The following HSD17B12 variants were observed in gnomAD, a reference collection of about 807,000 sequenced individuals.
HSD17B12 encodes hydroxysteroid 17-beta dehydrogenase 12, also known as very-long-chain 3-oxoacyl-CoA reductase.
In HSD17B12, 32 loss-of-function variants were observed where a neutral mutation model predicts 39.3. The ratio of observed to expected loss-of-function variants is 0.81; its 90% CI spans 0.61 to 1.09. The LOEUF (loss-of-function observed/expected upper bound fraction) is 1.09, where lower values mean the gene tolerates loss of function less well. Ranked by LOEUF, HSD17B12 falls within the 50% of genes least tolerant of loss-of-function variation. HSD17B12 has a pLI of 0.00. For missense variants in HSD17B12, 342 were observed against 382.9 expected, an observed-to-expected ratio of 0.89 and a Z score of 0.89; for synonymous variants, 150 against 146.7, an observed-to-expected ratio of 1.02 and a Z score of -0.16.
chr11:43,698,203 C>T (rs1411729130), intron 1 of HSD17B12, among the ~76,000 whole-genome samples: 2 of 152,124 alleles, frequency 1.3e-5, no homozygotes, highest in Non-Finnish European at 2.9e-5. Context: ...TGTGAGGGGT[C>T]TGAGCTCTGG....
At chr11:43,631,619 CTCTGTCTG>C in the HSD17B12 span, among the ~76,000 whole-genome samples, 1 of 150,176 alleles carries the variant, frequency 6.7e-6, no homozygotes, top group African/African-American at 2.4e-5. Flanking sequence ...GTCTCTCTCT[CTCTGTCTG>C]TCTGTCGCTC....
the HSD17B12 span, among the ~76,000 whole-genome samples, chr11:43,598,534 C>T: frequency 2.6e-5 from 4 of 152,034 alleles, no homozygotes; most frequent in Non-Finnish European, 4.4e-5. Context: ...GAACCAGACC[C>T]TTATTTTACT....
chr11:43,802,534 C>T (rs1950981660), intron 4 of HSD17B12, among the ~76,000 whole-genome samples: 1 of 152,100 alleles, frequency 6.6e-6, no homozygotes, highest in African/African-American at 2.4e-5. Context: ...CTCTAGTTCA[C>T]CTTGGCCATC....
chr11:43,593,532 A>G, the HSD17B12 span, among the ~76,000 whole-genome samples: 1 of 152,218 alleles, frequency 6.6e-6, no homozygotes, highest in Non-Finnish European at 1.5e-5. Context: ...GGAAATCCCA[A>G]CTAAAATGGT....
chr11:43,789,063 G>C (rs79520817), intron 3 of HSD17B12, among the ~76,000 whole-genome samples: 2,158 of 152,228 alleles, frequency 0.014, 68 homozygotes, highest in African/African-American at 0.047. Flanking sequence ...AAAACATGCT[G>C]TTCGTTTTCT....
chr11:43,680,777 C>A lies in HSD17B12; in HGVS notation c.-51C>A. The A allele has an allele frequency of 2.6e-6, 4 of 1,527,844 alleles. No homozygotes were observed. The highest frequency in any genetic ancestry group is 2.7e-6 in the Non-Finnish European group (3 of 1,101,710). The allele number at this position is 1,527,844 out of a possible 1,614,324, so 94.6% of individuals were successfully genotyped here. ...CACGGCCGGCGCCTCCTCCTGGATTCATTCACTCGCTCTTTTCATTCACGA... is the reference window on the plus strand; with the variant it reads ...CACGGCCGGCGCCTCCTCCTGGATTAATTCACTCGCTCTTTTCATTCACGA... On this transcript the variant is annotated 5_prime_UTR_variant, in exon 1 of 11. Transcript: ENST00000278353.
chr11:43,606,950 G>A, the HSD17B12 span, among the ~76,000 whole-genome samples: 2 of 152,298 alleles, frequency 1.3e-5, no homozygotes, highest in Middle Eastern at 3.4e-3. Flanking sequence ...TCTGGGGCAA[G>A]ATATTTAGCT....
the HSD17B12 span, among the ~76,000 whole-genome samples, chr11:43,623,853 G>A: frequency 6.6e-6 from 1 of 151,930 alleles, no homozygotes; most frequent in Non-Finnish European, 1.5e-5. Context: ...ATTTCTGGAA[G>A]CCCTCAGATA....
At chr11:43,683,278 G>A (rs1300021297) in intron 1 of HSD17B12, among the ~76,000 whole-genome samples, 2 of 152,082 alleles carry the variant, frequency 1.3e-5, no homozygotes, top group Non-Finnish European at 2.9e-5. Context: ...ATTAAGGGAA[G>A]TATTTGTGTA....
At chr11:43,601,366 TTC>T in the HSD17B12 span, among the ~76,000 whole-genome samples, 3 of 152,108 alleles carry the variant, frequency 2.0e-5, no homozygotes, top group African/African-American at 7.2e-5. Context: ...GTCATTCCAT[TTC>T]TTTTTTCTTG....
At chr11:43,674,871 C>A in the HSD17B12 span, among the ~76,000 whole-genome samples, 2 of 152,188 alleles carry the variant, frequency 1.3e-5, no homozygotes, top group Non-Finnish European at 2.9e-5. Flanking sequence ...AAGGCTGTTT[C>A]TTTTCCCCCA....
intron 1 of HSD17B12, among the ~76,000 whole-genome samples, chr11:43,738,730 G>A (rs188548727): frequency 2.0e-5 from 3 of 152,294 alleles, no homozygotes; most frequent in Admixed American, 6.5e-5. Context: ...CAGTTAGACT[G>A]TGATGATCCA....
chr11:43,624,578 G>A, the HSD17B12 span, among the ~76,000 whole-genome samples: 1 of 151,682 alleles, frequency 6.6e-6, no homozygotes, highest in Non-Finnish European at 1.5e-5. Context: ...ACAAACTAGG[G>A]TAGACATTGA....
the HSD17B12 span, among the ~76,000 whole-genome samples, chr11:43,572,361 CA>C: frequency 6.6e-6 from 1 of 152,200 alleles, no homozygotes; most frequent in African/African-American, 2.4e-5. Flanking sequence ...AGGAATAGAT[CA>C]GTCTCGTTAT....
chr11:43,819,656 G>A (rs1565100898), intron 6 of HSD17B12, among the ~76,000 whole-genome samples: 1 of 152,004 alleles, frequency 6.6e-6, no homozygotes. Flanking sequence ...CATTGACATT[G>A]GCATATATAC....
At chr11:43,768,824 C>T (rs1003963239) in intron 3 of HSD17B12, among the ~76,000 whole-genome samples, 4 of 152,150 alleles carry the variant, frequency 2.6e-5, no homozygotes, top group Non-Finnish European at 4.4e-5. Context: ...CCGCCCATGT[C>T]CTGCTGATTG....
chr11:43,694,481 G>T (rs1000386984), intron 1 of HSD17B12, among the ~76,000 whole-genome samples: 1 of 151,902 alleles, frequency 6.6e-6, no homozygotes, highest in African/African-American at 2.4e-5. Flanking sequence ...TGGGAGGATT[G>T]CTTGAGCCCA....
At chr11:43,681,290 G>A (rs1458239115) in intron 1 of HSD17B12, 2 of 423,862 alleles carry the variant, frequency 4.7e-6, no homozygotes, top group Non-Finnish European at 7.1e-6. Flanking sequence ...GCCATTCCGT[G>A]TTCATGGAGC....
the HSD17B12 span, among the ~76,000 whole-genome samples, chr11:43,666,518 T>C: frequency 6.6e-6 from 1 of 152,154 alleles, no homozygotes; most frequent in South Asian, 2.1e-4. Context: ...TTTTGTTTGT[T>C]TGTTTTGTAG....
Sources: gnomAD v4.1 joint callset for allele counts (sites outside exome capture counted in the v4.1 genomes callset) on GRCh38, gnomAD v4.1.1 for gene constraint, MANE v1.5 for transcripts, NCBI Gene and HGNC (gene_info 2026-07-23, HGNC 2026-07-21) for gene names.